The following FGFR4 variants were observed in gnomAD, a reference collection of about 807,000 sequenced individuals.
FGFR4 encodes the protein fibroblast growth factor receptor 4.
A neutral mutation model predicts 89.9 loss-of-function variants in FGFR4; 63 were observed. The ratio of observed to expected loss-of-function variants is 0.70; its 90% CI spans 0.57 to 0.86. FGFR4 has a LOEUF of 0.86. Ranked by LOEUF, FGFR4 falls within the 40% of genes least tolerant of loss-of-function variation. The probability of loss-of-function intolerance (pLI) is 0.00; values close to 1 mark genes in which losing one functional copy is unlikely to be tolerated. For synonymous variants in FGFR4, 486 were observed against 479.4 expected (o/e 1.01, Z -0.18); for missense variants, 928 against 1,106.7 (o/e 0.84, Z 2.29).
At chr5:177,097,467 G>A (rs1024779029) in intron 17 of FGFR4, 60 bp from the exon 18 acceptor site, 9 of 1,602,634 alleles carry the variant, frequency 5.6e-6, no homozygotes, top group South Asian at 2.2e-5. Flanking sequence ...CTGACCGCGT[G>A]GACATGCGCC....
chr5:177,090,679 G>A (rs200854398), intron 3 of FGFR4, 26 bp downstream of exon 3: 8 of 1,535,152 alleles, frequency 5.2e-6, no homozygotes, highest in Non-Finnish European at 7.0e-6. Flanking sequence ...AGGGAGTGAA[G>A]GGATGCCTGG....
Position 177,097,516 on chromosome 5 carries a change from G to A in FGFR4, c.2260-11G>A, listed in dbSNP as rs760222856. 1.5e-5 allele frequency: 24 copies of A among 1,610,572 alleles called. No homozygotes were observed. The highest frequency in any genetic ancestry group is 1.6e-4 in the Middle Eastern group (1 of 6,076). ...GGCGCTGCAGAGGCTGACCAGCTCCGTTCCCCACAGTACCTCGACCTCCGC... is the reference window on the plus strand; with the variant it reads ...GGCGCTGCAGAGGCTGACCAGCTCCATTCCCCACAGTACCTCGACCTCCGC... On this transcript the variant is annotated splice_polypyrimidine_tract_variant and intron_variant, in intron 17 of 17. Transcript: ENST00000292408.
rs1426246643 is a variant in FGFR4 at position 177,093,846 on chromosome 5, C to T, written c.1519+71C>T. On this transcript the variant is annotated intron_variant, in intron 11 of 17. Transcript: ENST00000292408. The surrounding 1 kb of genome is among the most constrained non-coding windows in gnomAD (Gnocchi z 5.8). ...TTTAGGAGGCTGAGGGTGGGAGGATCGCTTGAATCCAGGAATTCGAGGCCA... is the reference window on the plus strand; with the variant it reads ...TTTAGGAGGCTGAGGGTGGGAGGATTGCTTGAATCCAGGAATTCGAGGCCA... 8 of 1,515,132 alleles carry T rather than the reference C, an allele frequency of 5.3e-6. No individual in the cohort carries two copies. The highest frequency in any genetic ancestry group is 2.8e-5 in the African/African-American group (2 of 72,352). The allele number at this position is 1,515,132 out of a possible 1,614,324, so 93.9% of individuals were successfully genotyped here.
At chr5:177,094,434 T>A (rs1438512361) in intron 11 of FGFR4, among the ~76,000 whole-genome samples, 2 of 152,126 alleles carry the variant, frequency 1.3e-5, no homozygotes, top group African/African-American at 4.8e-5. Context: ...TTAGTCTGTG[T>A]CAGCTTTGAC....
Position 177,089,625 on chromosome 5 carries a change from T to C in FGFR4, c.23T>C (p.Leu8Ser). The C allele has an allele frequency of 6.2e-7, 1 of 1,613,758 alleles. No homozygotes were observed. The highest frequency in any genetic ancestry group is 8.5e-7 in the Non-Finnish European group (1 of 1,179,868). Residue 8 changes from leucine (L) to serine (S), a missense_variant, in exon 2 of 18, where the codon TTG (leucine) becomes TCG (serine). Physicochemically the swap from Leu to Ser is moderately radical, Grantham distance 145. This residue lies in a region of FGFR4 where 741 missense variants were observed against 836.9 expected (regional missense o/e 0.89). Coordinates refer to ENST00000292408, the MANE Select transcript of FGFR4 (RefSeq NM_213647.3). MRLLLAL[L>S]GVLLSVPGPP... Reference sequence around the variant, plus strand: ...GAGATGCGGCTGCTGCTGGCCCTGTTGGGGGTCCTGCTGAGTGTGCCTGGG... The same window carrying C: ...GAGATGCGGCTGCTGCTGGCCCTGTCGGGGGTCCTGCTGAGTGTGCCTGGG...
chr5:177,091,909 G>C (rs995490827), intron 6 of FGFR4, 101 bp downstream of exon 6: 7 of 1,500,596 alleles, frequency 4.7e-6, no homozygotes, highest in Non-Finnish European at 6.4e-6. Context: ...ACTCAGATGA[G>C]TCAGGCAGCT....
chr5:177,090,017 C>A (rs1024660583), intron 2 of FGFR4: 4 of 664,792 alleles, frequency 6.0e-6, no homozygotes, highest in Non-Finnish European at 8.3e-6. Flanking sequence ...GAGGTCCAGG[C>A]AGCATGTGTG....
rs752999975 is a variant in FGFR4, at chr5:177,096,163, A to G, written c.1928A>G (p.Tyr643Cys). 3.1e-6 allele frequency: 5 copies of G among 1,613,964 alleles called. No homozygotes were observed. Among genetic ancestry groups the G allele is most frequent in the East Asian group, 2.2e-5 (1 of 44,890 alleles). Residue 643 changes from tyrosine to cysteine, a missense_variant, in exon 14 of 18, where the codon TAT becomes TGT. Tyr to Cys is a radical substitution (Grantham distance 194). This residue lies in a region of FGFR4 where 20 missense variants were observed against 17.3 expected (regional missense o/e 1.16). Coordinates refer to ENST00000292408, the MANE Select transcript of FGFR4 (RefSeq NM_213647.3). Reference protein sequence around the residue: ...LARGVHHIDYYKKTSNGRLPV... With the variant: ...LARGVHHIDYCKKTSNGRLPV... The stretch of plus-strand genomic sequence containing the variant: ...CGCGGCGTCCACCACATTGACTACT[A>G]TAAGAAAACCAGCAACGTGAGGGAG...
chr5:177,092,602 G>GCCCCAGGCCCTGCTGTGA, intron 7 of FGFR4, 44 bp from the exon 8 acceptor site: 1 of 1,578,088 alleles, frequency 6.3e-7, no homozygotes, highest in Non-Finnish European at 8.6e-7. Flanking sequence ...CCACAGTGTG[G>GCCCCAGGCCCTGCTGTGA]CCCCAGGCCC....
At chr5:177,092,860 G>T (rs1456781463) in intron 8 of FGFR4, 76 bp downstream of exon 8, 1 of 1,607,942 alleles carries the variant, frequency 6.2e-7, no homozygotes, top group Non-Finnish European at 8.5e-7. Context: ...CCTGTTGGGT[G>T]GTCAGTCTCT....
Position 177,097,673 on chromosome 5 carries a change from A to G in FGFR4, c.2406A>G (p.Thr802=), listed in dbSNP as rs1346523666. ...TCCCCTTCGGGTCTGGGGTGCAGACATGAGCAAGGCTCAAGGCTGTGCAGG... is the reference window on the plus strand; with the variant it reads ...TCCCCTTCGGGTCTGGGGTGCAGACGTGAGCAAGGCTCAAGGCTGTGCAGG... The part of the protein sequence containing the change: ...SSFPFGSGVQ[T] Residue 802 remains threonine, a synonymous_variant, in exon 18 of 18, where the codon ACA becomes ACG. Transcript: ENST00000292408. 6.2e-7 allele frequency: 1 copy of G among 1,613,786 alleles called. No individual in the cohort carries two copies. The highest frequency in any genetic ancestry group is 8.5e-7 in the Non-Finnish European group (1 of 1,179,888).
rs767796482 is a variant in FGFR4 at position 177,092,694 on chromosome 5, G to A, written c.967G>A (p.Val323Met). The part of the protein sequence containing the change: ...SEVEVLYLRN[V>M]SAEDAGEYTC... ...GGTGGAGGTCCTGTACCTGCGGAACGTGTCAGCCGAGGACGCAGGCGAGTA... is the reference window on the plus strand; with the variant it reads ...GGTGGAGGTCCTGTACCTGCGGAACATGTCAGCCGAGGACGCAGGCGAGTA... Residue 323 changes from valine (V) to methionine (M), a missense_variant, in exon 8 of 18, where the codon GTG (valine) becomes ATG (methionine). Physicochemically the swap from Val to Met is conservative, Grantham distance 21. Transcript: ENST00000292408. The A allele has an allele frequency of 8.7e-6, 14 of 1,613,874 alleles. No individual in the cohort carries two copies. Among genetic ancestry groups the A allele is most frequent in the South Asian group, 2.2e-5 (2 of 91,084 alleles).
Position 177,089,555 on chromosome 5 carries a change from C to T in FGFR4, c.-48C>T, listed in dbSNP as rs778518782. ...CTTTTCCCTCCCTATTTTAGGAAGG[C>T]AGTTGGTGGGAAGTCCAGCTTGGGT... On this transcript the variant is annotated 5_prime_UTR_variant, in exon 2 of 18. Coordinates refer to ENST00000292408, the MANE Select transcript of FGFR4 (RefSeq NM_213647.3). 3.4e-5 allele frequency: 53 copies of T among 1,581,234 alleles called. No homozygotes were observed. The South Asian group carries it at 5.2e-4, about 16-fold the overall frequency.
intron 5 of FGFR4, 125 bp from the exon 6 acceptor site, chr5:177,091,560 G>C: frequency 9.6e-6 from 13 of 1,352,802 alleles, no homozygotes; most frequent in Non-Finnish European, 1.2e-5. Context: ...GCCTGGGCCT[G>C]ATGTTCTCAG....
intron 11 of FGFR4, among the ~76,000 whole-genome samples, chr5:177,094,103 G>A (rs1280451052): frequency 6.6e-6 from 1 of 151,890 alleles, no homozygotes; most frequent in Non-Finnish European, 1.5e-5. Context: ...AATAAAAGGT[G>A]AACGTGGCAG....
rs1336083033 is a variant in FGFR4, at chr5:177,095,798, G to A, written c.1821+75G>A. The stretch of plus-strand genomic sequence containing the variant: ...TCAGGCCTGTGGCATTCAATGTCCC[G>A]ACTTCTCCCTCTCTGCTCTTTTTCA... On this transcript the variant is annotated intron_variant, in intron 13 of 17. Transcript: ENST00000292408. The surrounding 1 kb of genome is among the most constrained non-coding windows in gnomAD (Gnocchi z 5.7). 2.1e-5 allele frequency: 30 copies of A among 1,410,796 alleles called. No individual in the cohort carries two copies. The highest frequency in any genetic ancestry group is 1.0e-4 in the African/African-American group (7 of 69,480). The allele number at this position is 1,410,796 out of a possible 1,614,324, so 87.4% of individuals were successfully genotyped here. A position where few individuals can be genotyped will look rare whatever the true frequency, so the allele number is the denominator to read the frequency against.
chr5:177,095,284 G>C lies in FGFR4; in HGVS notation c.1520-46G>C. 1 of 1,499,262 alleles carries C rather than the reference G, an allele frequency of 6.7e-7. No individual in the cohort carries two copies. Among genetic ancestry groups the C allele is most frequent in the Middle Eastern group, 1.8e-4 (1 of 5,620 alleles). The allele number at this position is 1,499,262 out of a possible 1,614,324, so 92.9% of individuals were successfully genotyped here. A position where few individuals can be genotyped will look rare whatever the true frequency, so the allele number is the denominator to read the frequency against. On this transcript the variant is annotated intron_variant, in intron 11 of 17. Transcript: ENST00000292408. This position sits in a 1 kb window ranked among gnomAD's most constrained non-coding sequence, Gnocchi z 5.7. ...TGCACCTGCCTCTGCATGCTCCCTC[G>C]TGCAGTTGGAGGGCAGCCTCTTCAC...
intron 8 of FGFR4, 177 bp downstream of exon 8, chr5:177,092,961 C>T (rs765742897): frequency 9.4e-6 from 12 of 1,279,840 alleles, no homozygotes; most frequent in Middle Eastern, 1.8e-4. Flanking sequence ...CACACGTGGC[C>T]GTCCATGTGA....
rs769459268 is a variant in FGFR4, at chr5:177,096,333, G to A, written c.1991G>A (p.Arg664Gln). ...ATGGCGCCCGAGGCCTTGTTTGACC[G>A]GGTGTACACACACCAGAGTGACGTG... ...KWMAPEALFD[R>Q]VYTHQSDVWS... Residue 664 changes from arginine to glutamine, a missense_variant, in exon 15 of 18, where the codon CGG becomes CAG. By Grantham distance (43) the Arg-to-Gln change is conservative. Around this residue, in one of 5 missense-constraint regions of FGFR4, gnomAD observed 27 missense variants for 64.4 expected, o/e 0.42. Coordinates refer to ENST00000292408, the MANE Select transcript of FGFR4 (RefSeq NM_213647.3). 3.7e-5 allele frequency: 59 copies of A among 1,613,904 alleles called. No individual in the cohort carries two copies. The highest frequency in any genetic ancestry group is 2.3e-4 in the South Asian group (21 of 91,086).
Sources: gnomAD v4.1 joint callset for allele counts (sites outside exome capture counted in the v4.1 genomes callset) on GRCh38, gnomAD v4.1.1 for gene constraint, gnomAD v4.1.1 regional missense constraint, Gnocchi (gnomAD v3.1) non-coding constraint, MANE v1.5 for transcripts, NCBI Gene and HGNC (gene_info 2026-07-23, HGNC 2026-07-21) for gene names.